The following CFAP299 variants were observed in gnomAD, a reference collection of about 807,000 sequenced individuals.
CFAP299 encodes cilia- and flagella-associated protein 299.
A neutral mutation model predicts 27.0 loss-of-function variants in CFAP299; 21 were observed. The observed-to-expected ratio is 0.78, with a 90% CI of 0.55 to 1.12. The LOEUF is 1.12. Ranked by LOEUF, CFAP299 falls within the 50% of genes most tolerant of loss-of-function variation. CFAP299 has a pLI of 0.00. For synonymous variants in CFAP299, 104 were observed against 98.1 expected (o/e 1.06, Z -0.36); for missense variants, 310 against 276.6 (o/e 1.12, Z -0.86).
chr4:80,447,138 T>TTTTTTTG (rs1728667359), intron 2 of CFAP299, among the ~76,000 whole-genome samples: 1 of 112,012 alleles, frequency 8.9e-6, no homozygotes, highest in Non-Finnish European at 1.7e-5. Flanking sequence ...TTGTTTTTTT[T>TTTTTTTG]TTTTTTTTTT....
At chr4:80,743,395 G>A (rs1724396655) in intron 3 of CFAP299, among the ~76,000 whole-genome samples, 1 of 152,100 alleles carries the variant, frequency 6.6e-6, no homozygotes, top group Non-Finnish European at 1.5e-5. Context: ...CAAATATGAT[G>A]TAACCACATA....
At chr4:80,635,135 T>C (rs1739415220) in intron 3 of CFAP299, among the ~76,000 whole-genome samples, 1 of 152,130 alleles carries the variant, frequency 6.6e-6, no homozygotes, top group Non-Finnish European at 1.5e-5. Flanking sequence ...TTTTATTAAG[T>C]TATATAATTC....
intron 2 of CFAP299, among the ~76,000 whole-genome samples, chr4:80,407,651 A>C (rs946964602): frequency 1.3e-5 from 2 of 152,176 alleles, no homozygotes; most frequent in Non-Finnish European, 2.9e-5. Context: ...AATAGATTCC[A>C]CTTCTTTATA....
At chr4:80,855,942 A>G (rs1411669466) in intron 3 of CFAP299, among the ~76,000 whole-genome samples, 1 of 151,882 alleles carries the variant, frequency 6.6e-6, no homozygotes, top group Non-Finnish European at 1.5e-5. Context: ...TGGCTGGGTC[A>G]AATGGTATTT....
rs1733942058 is a variant in CFAP299 at position 80,885,785 on chromosome 4, TC to T, written c.476+15653del. Among the ~76,000 whole-genome samples the T allele has an allele frequency of 2.0e-5, 3 of 152,258 alleles. No individual in the cohort carries two copies. In the South Asian group the frequency reaches 6.2e-4, roughly 32 times the overall value. ...TGACTTCAGGGGTGACCCAACACAT[TC>T]CCAGCTGTGGTGGCTACTGTGAAAG... On this transcript the variant is annotated intron_variant, in intron 4 of 5. Transcript: ENST00000358105.
At chr4:80,432,421 G>A (rs1004439846) in intron 2 of CFAP299, among the ~76,000 whole-genome samples, 4 of 152,120 alleles carry the variant, frequency 2.6e-5, no homozygotes, top group Non-Finnish European at 5.9e-5. Context: ...AAAGTGCTAG[G>A]ATTACAGGCG....
At chr4:80,895,513 A>AT (rs1208605174) in intron 4 of CFAP299, among the ~76,000 whole-genome samples, 2 of 151,938 alleles carry the variant, frequency 1.3e-5, no homozygotes, top group Admixed American at 1.3e-4. Flanking sequence ...ATGCCTTTAC[A>AT]TTTTTTCACA....
chr4:80,812,795 C>T (rs1729223831), intron 3 of CFAP299, among the ~76,000 whole-genome samples: 1 of 152,052 alleles, frequency 6.6e-6, no homozygotes, highest in Non-Finnish European at 1.5e-5. Flanking sequence ...TTTCATATTA[C>T]TTTATCTCAA....
intron 3 of CFAP299, among the ~76,000 whole-genome samples, chr4:80,584,907 A>T (rs191711401): frequency 6.6e-6 from 1 of 152,080 alleles, no homozygotes; most frequent in Non-Finnish European, 1.5e-5. Context: ...AAAATGAATA[A>T]TCAAATAATC....
At chr4:80,835,350 G>A (rs566718813) in intron 3 of CFAP299, among the ~76,000 whole-genome samples, 2 of 151,980 alleles carry the variant, frequency 1.3e-5, no homozygotes, top group South Asian at 2.1e-4. Context: ...CGCCCGCCTC[G>A]GCCTGCTTCT....
At chr4:80,639,696 G>T in intron 3 of CFAP299, 1 of 153,340 alleles carries the variant, frequency 6.5e-6, no homozygotes, top group Non-Finnish European at 1.5e-5. Context: ...TTTTGAGATG[G>T]AGTTTCGCTC....
intron 3 of CFAP299, among the ~76,000 whole-genome samples, chr4:80,642,004 GAT>G (rs1401080287): frequency 6.6e-6 from 1 of 152,210 alleles, no homozygotes; most frequent in Non-Finnish European, 1.5e-5. Context: ...CTGTTTCACA[GAT>G]ATTTAGGAGT....
chr4:80,468,691 C>T lies in CFAP299; in HGVS notation c.242+105807C>T, dbSNP rs192256166. Among the ~76,000 whole-genome samples, 87 of 151,560 alleles carry T rather than the reference C, an allele frequency of 5.7e-4. 1 individual carries two copies. The highest frequency in any genetic ancestry group is 9.9e-4 in the Non-Finnish European group (67 of 67,894). ...CTCTACTAAAAATACAAAAATTAGC[C>T]GGGCATGCTGGCGCCTGCCTGTAAT... On this transcript the variant is annotated intron_variant, in intron 2 of 5. Coordinates refer to ENST00000358105, the MANE Select transcript of CFAP299 (RefSeq NM_152770.3).
intron 3 of CFAP299, among the ~76,000 whole-genome samples, chr4:80,730,528 T>TAA (rs35014674): frequency 5.0e-5 from 7 of 141,248 alleles, no homozygotes; most frequent in East Asian, 2.1e-4. Flanking sequence ...GCTAAGCTGA[T>TAA]AAAAAAAAAA....
At chr4:80,808,872 TG>T (rs1442470231) in intron 3 of CFAP299, among the ~76,000 whole-genome samples, 1 of 152,114 alleles carries the variant, frequency 6.6e-6, no homozygotes, top group East Asian at 1.9e-4. Flanking sequence ...TACGATCAGA[TG>T]GATTAACCAC....
At chr4:80,348,048 G>T (rs1560523882) in intron 1 of CFAP299, among the ~76,000 whole-genome samples, 1 of 152,144 alleles carries the variant, frequency 6.6e-6, no homozygotes, top group Non-Finnish European at 1.5e-5. Flanking sequence ...AATGGAGAAA[G>T]GATTCCCTAT....
chr4:80,442,602 T>C (rs1004962186), intron 2 of CFAP299, among the ~76,000 whole-genome samples: 6 of 150,672 alleles, frequency 4.0e-5, no homozygotes, highest in African/African-American at 9.7e-5. Context: ...CATGAGAAAA[T>C]TGACACCGTA....
At chr4:80,511,230 T>C (rs1210801658) in intron 2 of CFAP299, among the ~76,000 whole-genome samples, 1 of 152,148 alleles carries the variant, frequency 6.6e-6, no homozygotes, top group African/African-American at 2.4e-5. Context: ...ACCTAGTTCA[T>C]GCAGTAATTA....
chr4:80,787,281 G>T (rs1727302636), intron 3 of CFAP299, among the ~76,000 whole-genome samples: 1 of 149,778 alleles, frequency 6.7e-6, no homozygotes, highest in South Asian at 2.1e-4. Context: ...TATCCCTGTG[G>T]TTAATCTCAA....
Sources: gnomAD v4.1 joint callset for allele counts (sites outside exome capture counted in the v4.1 genomes callset) on GRCh38, gnomAD v4.1.1 for gene constraint, MANE v1.5 for transcripts, NCBI Gene and HGNC (gene_info 2026-07-23, HGNC 2026-07-21) for gene names.